AGBL4: variants seen among roughly 807,000 people sequenced by gnomAD.
The protein encoded by AGBL4 is cytosolic carboxypeptidase 6.
Under a neutral mutation model 66.4 loss-of-function variants are expected in AGBL4, and 58 were observed. The ratio of observed to expected loss-of-function variants is 0.87; its 90% confidence interval spans 0.71 to 1.09. The LOEUF is 1.09. AGBL4 is among the 50% of genes least tolerant of loss of function. The pLI, the probability that AGBL4 is intolerant of heterozygous loss-of-function variation, is 0.00. For missense variants in AGBL4, 579 were observed against 631.0 expected (o/e 0.92, Z 0.88); for synonymous variants, 234 against 222.9 (o/e 1.05, Z -0.44).
chr1:49,267,740 C>T (rs1040160214), intron 3 of AGBL4, among the ~76,000 whole-genome samples: 1 of 152,130 alleles, frequency 6.6e-6, no homozygotes, highest in East Asian at 1.9e-4. Flanking sequence ...TTAATGGACT[C>T]ACAGTTCCAC....
intron 3 of AGBL4, among the ~76,000 whole-genome samples, chr1:49,620,953 C>A (rs1433085792): frequency 6.6e-6 from 1 of 151,738 alleles, no homozygotes; most frequent in African/African-American, 2.4e-5. Flanking sequence ...ACAATGTTAT[C>A]TAGATACATT....
At chr1:49,829,084 AAG>A (rs1300635503) in intron 2 of AGBL4, among the ~76,000 whole-genome samples, 1 of 151,938 alleles carries the variant, frequency 6.6e-6, no homozygotes, top group Non-Finnish European at 1.5e-5. Context: ...AAAAAAAAGA[AAG>A]AAAGAAAGAA....
intron 6 of AGBL4, among the ~76,000 whole-genome samples, chr1:48,731,639 T>C (rs1402644971): frequency 6.6e-6 from 1 of 152,206 alleles, no homozygotes; most frequent in Non-Finnish European, 1.5e-5. Context: ...AGGTAGGTAG[T>C]GGGACCTGTG....
chr1:49,685,916 C>A, intron 3 of AGBL4, among the ~76,000 whole-genome samples: 1 of 152,044 alleles, frequency 6.6e-6, no homozygotes, highest in Middle Eastern at 3.2e-3. Context: ...TCCCATTTGT[C>A]AATTTTTGTT....
intron 6 of AGBL4, among the ~76,000 whole-genome samples, chr1:48,784,321 T>C (rs1645362324): frequency 6.6e-6 from 1 of 152,162 alleles, no homozygotes; most frequent in African/African-American, 2.4e-5. Flanking sequence ...GGGTGTCCAA[T>C]ATATTTTTAC....
chr1:48,629,430 AAG>A (rs912880113), intron 9 of AGBL4, among the ~76,000 whole-genome samples: 12 of 152,178 alleles, frequency 7.9e-5, no homozygotes, highest in Non-Finnish European at 1.2e-4. Context: ...CAGAATTGGA[AAG>A]AGAGACCTGG....
chr1:49,488,389 T>A (rs1052282776), intron 3 of AGBL4, among the ~76,000 whole-genome samples: 3 of 151,478 alleles, frequency 2.0e-5, no homozygotes, highest in Non-Finnish European at 4.4e-5. Context: ...TTCTCTTGAA[T>A]TTTTTTATTA....
At chr1:49,937,417 A>C (rs1282951464) in intron 1 of AGBL4, among the ~76,000 whole-genome samples, 1 of 152,112 alleles carries the variant, frequency 6.6e-6, no homozygotes, top group Non-Finnish European at 1.5e-5. Flanking sequence ...CACTGTCAAC[A>C]ACAGACAGAT....
chr1:49,438,322 A>T (rs761273004), intron 3 of AGBL4, among the ~76,000 whole-genome samples: 3 of 152,202 alleles, frequency 2.0e-5, no homozygotes, highest in African/African-American at 4.8e-5. Flanking sequence ...CCTGAGAAAG[A>T]AGGTAGAAAT....
intron 2 of AGBL4, among the ~76,000 whole-genome samples, chr1:49,748,174 C>T (rs1651148531): frequency 6.6e-6 from 1 of 151,438 alleles, no homozygotes; most frequent in African/African-American, 2.4e-5. Flanking sequence ...GCCCCACCCC[C>T]TGACAGGCTC....
intron 1 of AGBL4, among the ~76,000 whole-genome samples, chr1:49,971,949 GCT>G (rs767215335): frequency 5.9e-5 from 2 of 33,854 alleles, no homozygotes; most frequent in Non-Finnish European, 1.4e-4. Flanking sequence ...ACGGAGTCTC[GCT>G]CTGTCACCCA....
chr1:49,430,193 T>A (rs114629453), intron 3 of AGBL4, among the ~76,000 whole-genome samples: 1 of 152,090 alleles, frequency 6.6e-6, no homozygotes, highest in Non-Finnish European at 1.5e-5. Context: ...ACTTCTCAAA[T>A]GGAGCTCCAT....
At chr1:49,636,596 T>C (rs945000587) in intron 3 of AGBL4, among the ~76,000 whole-genome samples, 1 of 152,198 alleles carries the variant, frequency 6.6e-6, no homozygotes, top group Non-Finnish European at 1.5e-5. Context: ...AATATAATTT[T>C]GAGTAAAAGA....
chr1:49,985,634 GCA>G (rs1659441523), intron 1 of AGBL4, among the ~76,000 whole-genome samples: 1 of 152,112 alleles, frequency 6.6e-6, no homozygotes, highest in South Asian at 2.1e-4. Context: ...GGGCCTTTCA[GCA>G]CAGTCTTTAA....
intron 2 of AGBL4, among the ~76,000 whole-genome samples, chr1:49,808,589 C>T: frequency 6.6e-6 from 1 of 151,996 alleles, no homozygotes; most frequent in East Asian, 1.9e-4. Flanking sequence ...TATTTCTGTT[C>T]TGAACATGAG....
chr1:49,638,140 C>T lies in AGBL4; in HGVS notation c.282+59173G>A, dbSNP rs75882143. ...GAGTATGGACTCAGGATTCCCTGAACGCTATCTATGATCCCAACATCCCAA... is the reference window on the plus strand; with the variant it reads ...GAGTATGGACTCAGGATTCCCTGAATGCTATCTATGATCCCAACATCCCAA... On this transcript the variant is annotated intron_variant, in intron 3 of 13. Coordinates refer to ENST00000371839, the MANE Select transcript of AGBL4 (RefSeq NM_032785.4). Among the ~76,000 whole-genome samples, 1,223 of 152,230 alleles carry T rather than the reference C, an allele frequency of 8.0e-3. 9 individuals carry two copies. The highest frequency in any genetic ancestry group is 0.031 in the Middle Eastern group (9 of 294).
intron 3 of AGBL4, among the ~76,000 whole-genome samples, chr1:49,314,769 TG>T (rs1645008535): frequency 1.3e-5 from 2 of 152,096 alleles, no homozygotes; most frequent in South Asian, 4.1e-4. Flanking sequence ...CTGGGTCAAA[TG>T]GTATTTCTGG....
chr1:49,489,179 T>C (rs939266566), intron 3 of AGBL4, among the ~76,000 whole-genome samples: 3 of 151,852 alleles, frequency 2.0e-5, no homozygotes, highest in African/African-American at 7.3e-5. Flanking sequence ...CTTCTCCACA[T>C]CCTCGCTTTC....
At chr1:49,620,952 T>C (rs1010379853) in intron 3 of AGBL4, among the ~76,000 whole-genome samples, 2 of 152,182 alleles carry the variant, frequency 1.3e-5, no homozygotes, top group Non-Finnish European at 2.9e-5. Context: ...TACAATGTTA[T>C]CTAGATACAT....
Sources: gnomAD v4.1 joint callset for allele counts (sites outside exome capture counted in the v4.1 genomes callset) on GRCh38, gnomAD v4.1.1 for gene constraint, MANE v1.5 for transcripts, NCBI Gene and HGNC (gene_info 2026-07-23, HGNC 2026-07-21) for gene names.